Variants in KIAA1217 observed in about 807,000 individuals in gnomAD.
The protein encoded by KIAA1217 is sickle tail protein homolog.
A neutral mutation model predicts 163.9 loss-of-function variants in KIAA1217; 88 were observed. The observed-to-expected ratio is 0.54, with a 90% CI of 0.45 to 0.64. The LOEUF is 0.64. Among genes scored for constraint, KIAA1217 ranks in the 30% least tolerant of loss-of-function variants. The probability of loss-of-function intolerance (pLI) is 0.00; values close to 1 mark genes in which losing one functional copy is unlikely to be tolerated. For synonymous variants in KIAA1217, 903 were observed against 923.1 expected, an observed-to-expected ratio of 0.98 and a Z score of 0.39; for missense variants, 2,372 against 2,475.0, an observed-to-expected ratio of 0.96 and a Z score of 0.88.
At chr10:23,929,784 T>C (rs953054316) in intron 1 of KIAA1217, among the ~76,000 whole-genome samples, 2 of 152,216 alleles carry the variant, frequency 1.3e-5, no homozygotes, top group Admixed American at 6.5e-5. Flanking sequence ...AGGTGTCTTT[T>C]TGGTGGAATA....
chr10:24,515,215 A>T (rs370646481), intron 10 of KIAA1217, among the ~76,000 whole-genome samples: 14 of 151,682 alleles, frequency 9.2e-5, no homozygotes, highest in Non-Finnish European at 1.5e-4. Flanking sequence ...TTACAGGTGC[A>T]CACCATGATG....
chr10:23,840,260 A>C (rs1382660901), intron 1 of KIAA1217, among the ~76,000 whole-genome samples: 1 of 151,928 alleles, frequency 6.6e-6, no homozygotes, highest in African/African-American at 2.4e-5. Flanking sequence ...GGTTCAAGCA[A>C]TTCTTCTGCC....
chr10:24,517,060 G>T (rs2070293380), intron 10 of KIAA1217, among the ~76,000 whole-genome samples: 1 of 151,924 alleles, frequency 6.6e-6, no homozygotes, highest in Non-Finnish European at 1.5e-5. Flanking sequence ...GCACACACCT[G>T]TGGTCCCAGC....
chr10:24,156,058 A>G (rs1306048160), intron 2 of KIAA1217, among the ~76,000 whole-genome samples: 6 of 152,202 alleles, frequency 3.9e-5, no homozygotes, highest in Non-Finnish European at 8.8e-5. Flanking sequence ...ATAAACCTCA[A>G]CGTATGTATA....
chr10:23,790,532 C>G (rs1038607536), intron 1 of KIAA1217, among the ~76,000 whole-genome samples: 1 of 80,402 alleles, frequency 1.2e-5, no homozygotes, highest in Non-Finnish European at 2.2e-5. Flanking sequence ...TACATATATA[C>G]ATATACATGT....
intron 2 of KIAA1217, among the ~76,000 whole-genome samples, chr10:24,186,768 T>C (rs2066452031): frequency 1.3e-5 from 2 of 152,212 alleles, no homozygotes; most frequent in South Asian, 4.2e-4. Context: ...TGAGTGCCTG[T>C]AATCCCAGCT....
chr10:24,112,092 C>T (rs116017622), intron 2 of KIAA1217, among the ~76,000 whole-genome samples: 1,636 of 152,240 alleles, frequency 0.011, 17 homozygotes, highest in African/African-American at 0.037. Flanking sequence ...TGAGCCACTG[C>T]ACCCCATCAA....
chr10:24,492,356 G>T (rs139141505), intron 6 of KIAA1217, among the ~76,000 whole-genome samples: 31 of 152,290 alleles, frequency 2.0e-4, no homozygotes, highest in African/African-American at 7.0e-4. Context: ...GGTTGCCAAG[G>T]TATGACTGAA....
At chr10:23,820,883 A>G (rs1222343623) in intron 1 of KIAA1217, among the ~76,000 whole-genome samples, 2 of 152,190 alleles carry the variant, frequency 1.3e-5, no homozygotes, top group Non-Finnish European at 2.9e-5. Context: ...TGAAGAGCAG[A>G]GAATGGCAAA....
chr10:24,001,635 G>A (rs1846747846), intron 1 of KIAA1217, among the ~76,000 whole-genome samples: 1 of 152,156 alleles, frequency 6.6e-6, no homozygotes, highest in South Asian at 2.1e-4. Context: ...CAGTCTTTGA[G>A]AGGTTAACTG....
intron 1 of KIAA1217, among the ~76,000 whole-genome samples, chr10:23,997,847 T>C (rs1589212242): frequency 6.6e-6 from 1 of 152,246 alleles, no homozygotes; most frequent in East Asian, 1.9e-4. Flanking sequence ...AGTTCAGTTA[T>C]ATGGGAGGTG....
intron 2 of KIAA1217, among the ~76,000 whole-genome samples, chr10:24,329,773 G>T (rs188849625): frequency 1.3e-5 from 2 of 152,052 alleles, no homozygotes; most frequent in African/African-American, 4.8e-5. Context: ...TTGGTTCTTC[G>T]TAGACTGCCA....
At chr10:24,462,663 A>G (rs1191951524) in intron 5 of KIAA1217, among the ~76,000 whole-genome samples, 1 of 152,196 alleles carries the variant, frequency 6.6e-6, no homozygotes, top group South Asian at 2.1e-4. Context: ...AGCCCATGAA[A>G]TGTCACAATT....
At chr10:23,938,008 C>A (rs1843605259) in intron 1 of KIAA1217, among the ~76,000 whole-genome samples, 1 of 152,136 alleles carries the variant, frequency 6.6e-6, no homozygotes, top group African/African-American at 2.4e-5. Flanking sequence ...CGAGAGTTCA[C>A]AGGGCATGGT....
chr10:24,346,568 C>A (rs2047807248), intron 2 of KIAA1217, among the ~76,000 whole-genome samples: 3 of 121,022 alleles, frequency 2.5e-5, no homozygotes, highest in South Asian at 2.7e-4. Flanking sequence ...TTTGTTGGCC[C>A]TTTTTTTTTT....
rs190833007 is a variant in KIAA1217, at chr10:24,202,535, G to A, written c.-170-17091G>A. On this transcript the variant is annotated intron_variant, in intron 2 of 18. Coordinates refer to the KIAA1217 transcript ENST00000376462. Reference sequence around the variant, plus strand: ...CACCCTCCACCCTGGGCTGCACCACGGCCCCCAAGCCTTCATGAGCACCGT... The same window carrying A: ...CACCCTCCACCCTGGGCTGCACCACAGCCCCCAAGCCTTCATGAGCACCGT... 3.9e-3 allele frequency among the ~76,000 whole-genome samples: 593 copies of A among 152,264 alleles called. 2 individuals are homozygous for A. The highest frequency in any genetic ancestry group is 0.01 in the Middle Eastern group (3 of 294).
chr10:24,437,152 G>T (rs578214843), intron 4 of KIAA1217, among the ~76,000 whole-genome samples: 1 of 151,976 alleles, frequency 6.6e-6, no homozygotes, highest in Non-Finnish European at 1.5e-5. Context: ...AGTTTTTCAC[G>T]TCCTCGCCTG....
chr10:24,322,866 G>A (rs935005484), intron 2 of KIAA1217, among the ~76,000 whole-genome samples: 4 of 152,192 alleles, frequency 2.6e-5, no homozygotes, highest in African/African-American at 9.6e-5. Context: ...ACGTGTGATT[G>A]AATAAAACAA....
chr10:24,421,190 G>A (rs998508977), intron 3 of KIAA1217, among the ~76,000 whole-genome samples: 2 of 152,126 alleles, frequency 1.3e-5, no homozygotes, highest in Admixed American at 6.6e-5. Context: ...GTTTTCAGTA[G>A]AGACAGGGTT....
Sources: gnomAD v4.1 joint callset for allele counts (sites outside exome capture counted in the v4.1 genomes callset) on GRCh38, gnomAD v4.1.1 for gene constraint, MANE v1.5 for transcripts, NCBI Gene and HGNC (gene_info 2026-07-23, HGNC 2026-07-21) for gene names.